The following KIF26B variants were observed in gnomAD, a reference collection of about 807,000 sequenced individuals.
The protein encoded by KIF26B is kinesin-like protein KIF26B.
KIF26B carries 63 observed loss-of-function variants against 151.2 expected under a neutral mutation model. The observed-to-expected ratio is 0.42, with a 90% CI of 0.34 to 0.51. The LOEUF (loss-of-function observed/expected upper bound fraction) is 0.51. Among genes scored for constraint, KIF26B ranks in the 20% least tolerant of loss-of-function variants. The pLI is 0.07. For synonymous variants in KIF26B, 1,357 were observed against 1,262.1 expected, an observed-to-expected ratio of 1.08 and a Z score of -1.59; for missense variants, 2,813 against 2,913.6, an observed-to-expected ratio of 0.97 and a Z score of 0.79.
chr1:245,175,980 A>G (rs1283457433), intron 2 of KIF26B, among the ~76,000 whole-genome samples: 2 of 147,216 alleles, frequency 1.4e-5, no homozygotes, highest in African/African-American at 5.0e-5. Context: ...AGACATCTAT[A>G]TATATAGATA....
Position 245,238,335 on chromosome 1 carries a change from TA to T in KIF26B, c.465+81660del, listed in dbSNP as rs908208018. ...TGCGTGACAGAAACTTCATCTCATC[TA>T]AAAAAAAGAATATTGTCATTTGAGA... On this transcript the variant is annotated intron_variant, in intron 2 of 14. Transcript: ENST00000407071. 9.9e-4 allele frequency among the ~76,000 whole-genome samples: 150 copies of T among 151,758 alleles called. 1 individual carries two copies. The highest frequency in any genetic ancestry group is 8.0e-3 in the East Asian group (41 of 5,128).
At chr1:245,436,380 A>C (rs2103044529) in intron 4 of KIF26B, among the ~76,000 whole-genome samples, 1 of 152,264 alleles carries the variant, frequency 6.6e-6, no homozygotes, top group African/African-American at 2.4e-5. Flanking sequence ...CAGCAGTGGC[A>C]GTGGAAAGGA....
At chr1:245,283,335 C>G (rs576672035) in intron 2 of KIF26B, among the ~76,000 whole-genome samples, 2 of 152,270 alleles carry the variant, frequency 1.3e-5, no homozygotes, top group Non-Finnish European at 2.9e-5. Context: ...CCAATCCGCC[C>G]AAGCCCCGAC....
At position 245,692,348 on chromosome 1, in the gene KIF26B, G is replaced by A. The variant is rs149915042; in HGVS notation, c.5824+3541G>A. On this transcript the variant is annotated intron_variant, in intron 12 of 14. Transcript: ENST00000407071. ...CTGAGTGCATTCCCAGATGCTGAGT[G>A]GGGTAGTGAAGGCCCAAGTGGAGAG... Among the ~76,000 whole-genome samples, 144 of 152,300 alleles carry A rather than the reference G, an allele frequency of 9.5e-4. 1 individual carries two copies. Among genetic ancestry groups the A allele is most frequent in the African/African-American group, 3.3e-3 (139 of 41,574 alleles).
intron 9 of KIF26B, among the ~76,000 whole-genome samples, chr1:245,638,685 T>A (rs2043858366): frequency 6.6e-6 from 1 of 151,894 alleles, no homozygotes; most frequent in African/African-American, 2.4e-5. Flanking sequence ...TTGAGGATTT[T>A]CATCACGAAG....
At chr1:245,331,074 C>G (rs1225815347) in intron 2 of KIF26B, among the ~76,000 whole-genome samples, 2 of 151,966 alleles carry the variant, frequency 1.3e-5, no homozygotes, top group African/African-American at 4.8e-5. Flanking sequence ...AGCCTCAGAG[C>G]AGGAACGCAG....
rs4021193 is a variant in KIF26B at position 245,510,576 on chromosome 1, TTCTCTCTCTCTCTC to T, written c.1167-30165_1167-30152del. On this transcript the variant is annotated intron_variant, in intron 4 of 14. Coordinates refer to ENST00000407071, the MANE Select transcript of KIF26B (RefSeq NM_018012.4). ...TCTCGGCTGTCTCTTTTAGCAGAGC[TTCTCTCTCTCTCTC>T]TCTCTCTCTCTCTCTCTCTCTCTCT... Among the ~76,000 whole-genome samples the T allele has an allele frequency of 2.2e-4, 29 of 134,104 alleles. No individual in the cohort carries two copies. In the South Asian group the frequency reaches 5.6e-3, roughly 26 times the overall value. The allele number at this position is 134,104 out of a possible 152,430, so 88.0% of individuals were successfully genotyped here. A position where few individuals can be genotyped will look rare whatever the true frequency, so the allele number is the denominator to read the frequency against.
At position 245,451,585 on chromosome 1, in the gene KIF26B, C is replaced by CTTTTTTTTTTTT. The variant is rs58192966; in HGVS notation, c.1166+31857_1166+31868dup. Among the ~76,000 whole-genome samples, 77 of 58,756 alleles carry CTTTTTTTTTTTT rather than the reference C, an allele frequency of 1.3e-3. 2 individuals carry two copies. The highest frequency in any genetic ancestry group is 0.018 in the Middle Eastern group (1 of 56). 38.5% of individuals were successfully genotyped at this position (58,756 alleles called of 152,430 possible). A position where few individuals can be genotyped will look rare whatever the true frequency, so the allele number is the denominator to read the frequency against. On this transcript the variant is annotated intron_variant, in intron 4 of 14. Coordinates refer to ENST00000407071, the MANE Select transcript of KIF26B (RefSeq NM_018012.4). ...TATAATATGTATCCAGAAGATCTATCTTTTTTTTTTTTTTTTTTTTTTTTT... is the reference window on the plus strand; with the variant it reads ...TATAATATGTATCCAGAAGATCTATCTTTTTTTTTTTTTTTTTTTTTTTTTTTTTTTTTTTTT...
chr1:245,268,093 A>G (rs1014715081), intron 2 of KIF26B, among the ~76,000 whole-genome samples: 6 of 152,002 alleles, frequency 3.9e-5, no homozygotes, highest in African/African-American at 1.4e-4. Context: ...GATCACGTGA[A>G]CCCAGGAGGT....
chr1:245,699,202 T>C (rs1258184339), intron 14 of KIF26B, among the ~76,000 whole-genome samples, 165 bp downstream of exon 14: 1 of 151,414 alleles, frequency 6.6e-6, no homozygotes, highest in East Asian at 2.0e-4. Flanking sequence ...CCTACTCCCC[T>C]GGGGATGGGC....
At chr1:245,527,622 C>G (rs988670592) in intron 4 of KIF26B, among the ~76,000 whole-genome samples, 6 of 142,608 alleles carry the variant, frequency 4.2e-5, no homozygotes, top group African/African-American at 1.6e-4. Flanking sequence ...CAAGCTCCAC[C>G]TCCCGGGTTC....
At chr1:245,173,406 A>G (rs545295662) in intron 2 of KIF26B, among the ~76,000 whole-genome samples, 2 of 152,314 alleles carry the variant, frequency 1.3e-5, no homozygotes, top group African/African-American at 4.8e-5. Context: ...GTTGTGTCAC[A>G]AAATTGTATT....
At chr1:245,248,386 T>C (rs899307428) in intron 2 of KIF26B, among the ~76,000 whole-genome samples, 2 of 152,146 alleles carry the variant, frequency 1.3e-5, no homozygotes, top group Non-Finnish European at 2.9e-5. Context: ...TTTCTCACAC[T>C]CCTCCAGAGT....
chr1:245,229,669 T>G (rs897602366), intron 2 of KIF26B, among the ~76,000 whole-genome samples: 1 of 152,256 alleles, frequency 6.6e-6, no homozygotes, highest in Non-Finnish European at 1.5e-5. Flanking sequence ...TGACAGGCAC[T>G]GTAACTATTG....
At chr1:245,331,618 T>C (rs1216208357) in intron 2 of KIF26B, among the ~76,000 whole-genome samples, 1 of 152,150 alleles carries the variant, frequency 6.6e-6, no homozygotes, top group African/African-American at 2.4e-5. Flanking sequence ...AGGAAGGATT[T>C]ATTTTCCATG....
At chr1:245,321,556 A>T (rs574588275) in intron 2 of KIF26B, among the ~76,000 whole-genome samples, 2 of 152,252 alleles carry the variant, frequency 1.3e-5, no homozygotes, top group African/African-American at 4.8e-5. Context: ...GTTCTAGTGT[A>T]GCCTAGCCAT....
chr1:245,254,849 T>C (rs1670505350), intron 2 of KIF26B, among the ~76,000 whole-genome samples: 1 of 152,200 alleles, frequency 6.6e-6, no homozygotes, highest in Admixed American at 6.5e-5. Flanking sequence ...ACTGTATACC[T>C]TTCAGGAGCA....
intron 2 of KIF26B, among the ~76,000 whole-genome samples, chr1:245,265,540 T>C (rs950012460): frequency 1.3e-5 from 2 of 151,512 alleles, no homozygotes; most frequent in African/African-American, 2.4e-5. Flanking sequence ...CTAAACAGTT[T>C]AGGGAAGAAT....
intron 2 of KIF26B, among the ~76,000 whole-genome samples, chr1:245,263,557 C>T (rs1670688250): frequency 6.6e-6 from 1 of 152,172 alleles, no homozygotes; most frequent in Non-Finnish European, 1.5e-5. Context: ...TAGGAGGGCA[C>T]TAGGGAGAGA....
Sources: gnomAD v4.1 joint callset for allele counts (sites outside exome capture counted in the v4.1 genomes callset) on GRCh38, gnomAD v4.1.1 for gene constraint, MANE v1.5 for transcripts, NCBI Gene and HGNC (gene_info 2026-07-23, HGNC 2026-07-21) for gene names.